The following CYP39A1 variants were observed in gnomAD, a reference collection of about 807,000 sequenced individuals.
CYP39A1 encodes cytochrome P450 family 39 subfamily A member 1.
Under a neutral mutation model 58.1 loss-of-function variants are expected in CYP39A1, and 49 were observed. The observed-to-expected ratio is 0.84, with a 90% CI of 0.67 to 1.07. The LOEUF is 1.07. CYP39A1 is among the 50% of genes least tolerant of loss of function. The pLI is 0.00. For synonymous variants in CYP39A1, 209 were observed against 187.6 expected, an observed-to-expected ratio of 1.11 and a Z score of -0.93; for missense variants, 531 against 539.4, an observed-to-expected ratio of 0.98 and a Z score of 0.16.
At chr6:46,559,136 G>A (rs1358479399) in intron 10 of CYP39A1, among the ~76,000 whole-genome samples, 4 of 152,120 alleles carry the variant, frequency 2.6e-5, no homozygotes, top group African/African-American at 9.7e-5. Flanking sequence ...AAGGAACATA[G>A]TGTGCCTGTG....
At chr6:46,638,053 T>C (rs2150591766) in intron 3 of CYP39A1, 75 bp from the exon 4 acceptor site, 1 of 1,439,840 alleles carries the variant, frequency 6.9e-7, no homozygotes, top group South Asian at 1.4e-5. Flanking sequence ...AAGCAAGGCA[T>C]TATTTCATAG....
At position 46,550,113 on chromosome 6, in the gene CYP39A1, G is replaced by A; in HGVS notation, c.*253C>T. On this transcript the variant is annotated 3_prime_UTR_variant, in exon 12 of 12. Transcript: ENST00000275016. ...ATCAAATTCCAACTTCTTAAAAAAT[G>A]TGGAGTTTTTTTGGATCATTTGATC... 3.0e-6 allele frequency: 1 copy of A among 336,574 alleles called. No homozygotes were observed. The allele number at this position is 336,574 out of a possible 1,614,324, so 20.8% of individuals were successfully genotyped here. A position where few individuals can be genotyped will look rare whatever the true frequency, so the allele number is the denominator to read the frequency against.
chr6:46,585,733 G>T (rs536700147), intron 10 of CYP39A1, among the ~76,000 whole-genome samples: 1 of 152,078 alleles, frequency 6.6e-6, no homozygotes, highest in Non-Finnish European at 1.5e-5. Flanking sequence ...AACATAACAG[G>T]AAGTAGACAA....
intron 10 of CYP39A1, among the ~76,000 whole-genome samples, chr6:46,554,141 C>T (rs137954253): frequency 6.6e-6 from 1 of 152,258 alleles, no homozygotes; most frequent in African/African-American, 2.4e-5. Flanking sequence ...ACTGTGCTTT[C>T]CAGTATCATA....
intron 10 of CYP39A1, among the ~76,000 whole-genome samples, chr6:46,558,407 G>T (rs2150480689): frequency 6.6e-6 from 1 of 152,168 alleles, no homozygotes; most frequent in South Asian, 2.1e-4. Flanking sequence ...GCGAGCAAAG[G>T]GGGAAGTGCC....
intron 10 of CYP39A1, among the ~76,000 whole-genome samples, chr6:46,586,044 C>T (rs989215464): frequency 1.3e-5 from 2 of 152,098 alleles, no homozygotes; most frequent in African/African-American, 4.8e-5. Context: ...TTTGCTTAGG[C>T]TTAGATTTCT....
chr6:46,577,538 C>T (rs1412731857), intron 10 of CYP39A1, among the ~76,000 whole-genome samples: 2 of 152,064 alleles, frequency 1.3e-5, no homozygotes, highest in Non-Finnish European at 2.9e-5. Flanking sequence ...AGGCCCATTT[C>T]ACATGCAATG....
intron 6 of CYP39A1, among the ~76,000 whole-genome samples, chr6:46,629,936 GA>G (rs1257747774): frequency 2.0e-5 from 3 of 151,476 alleles, no homozygotes; most frequent in African/African-American, 7.3e-5. Context: ...GATTTTAAAA[GA>G]AACAGTTTTT....
At chr6:46,587,998 A>G (rs997078162) in intron 9 of CYP39A1, 36 bp downstream of exon 9, 3 of 1,228,602 alleles carry the variant, frequency 2.4e-6, no homozygotes, top group African/African-American at 3.1e-5. Flanking sequence ...AGAAATTAAA[A>G]TGAAAGAATA....
chr6:46,553,193 A>G (rs1391598237), intron 11 of CYP39A1, among the ~76,000 whole-genome samples: 1 of 152,052 alleles, frequency 6.6e-6, no homozygotes, highest in African/African-American at 2.4e-5. Context: ...AACAAGCCCT[A>G]CTAGTGATGC....
chr6:46,581,063 T>C (rs1772104377), intron 10 of CYP39A1, among the ~76,000 whole-genome samples: 1 of 152,156 alleles, frequency 6.6e-6, no homozygotes, highest in Non-Finnish European at 1.5e-5. Context: ...CTATTCACAA[T>C]AGCAAAGACA....
In CYP39A1 at chr6:46,625,399, A is replaced by G. The variant is rs767291345; in HGVS notation, c.931+19T>C. The G allele has an allele frequency of 4.5e-6, 7 of 1,550,860 alleles. No homozygotes were observed. Among genetic ancestry groups the G allele is most frequent in the Admixed American group, 3.5e-5 (2 of 57,526 alleles). ...CATGCATTATTAGCTGTGTCTTCCT[A>G]TATAATAAGGTTTAGTACCTGCTTT... On this transcript the variant is annotated intron_variant, in intron 7 of 11. Transcript: ENST00000275016.
In CYP39A1 at chr6:46,553,820, T is replaced by A; in HGVS notation, c.1285A>T (p.Ile429Phe). The change falls in exon 11 of 12, where the codon ATT becomes TTT. Residue 429 changes from isoleucine (I) to phenylalanine (F), a missense_variant. Coordinates refer to ENST00000275016, the MANE Select transcript of CYP39A1 (RefSeq NM_016593.5). ...CAGTCATATTTATAAAGTATTAAAA[T>A]AATACACATCTGAACCTCTAACAGA... The part of the protein sequence containing the change: ...FALLEVQMCI[I>F]LILYKYDCSL... 1 of 1,610,774 alleles carries A rather than the reference T, an allele frequency of 6.2e-7. No individual in the cohort carries two copies. Among genetic ancestry groups the A allele is most frequent in the South Asian group, 1.1e-5 (1 of 90,622 alleles).
chr6:46,652,666 T>G lies in CYP39A1; in HGVS notation c.-84A>C. 7.6e-7 allele frequency: 1 copy of G among 1,322,174 alleles called. No homozygotes were observed. The highest frequency in any genetic ancestry group is 1.0e-6 in the Non-Finnish European group (1 of 981,182). The allele number at this position is 1,322,174 out of a possible 1,614,324, so 81.9% of individuals were successfully genotyped here. A position where few individuals can be genotyped will look rare whatever the true frequency, so the allele number is the denominator to read the frequency against. On this transcript the variant is annotated 5_prime_UTR_variant, in exon 1 of 12. Coordinates refer to ENST00000275016, the MANE Select transcript of CYP39A1 (RefSeq NM_016593.5). Reference sequence around the variant, plus strand: ...CTTCTTTTCTGTGGGCTACGGAACCTGTCGGGACTCCCAACCTTTCTGCTG... The same window carrying G: ...CTTCTTTTCTGTGGGCTACGGAACCGGTCGGGACTCCCAACCTTTCTGCTG...
chr6:46,642,338 C>A (rs1360729038), intron 1 of CYP39A1, 40 bp from the exon 2 acceptor site: 1 of 1,580,782 alleles, frequency 6.3e-7, no homozygotes, highest in African/African-American at 1.4e-5. Context: ...GTAAGCATTC[C>A]TAAGCCATGT....
At chr6:46,641,470 C>G (rs1300351897) in intron 2 of CYP39A1, among the ~76,000 whole-genome samples, 1 of 151,986 alleles carries the variant, frequency 6.6e-6, no homozygotes, top group African/African-American at 2.4e-5. Flanking sequence ...AAAAGGGAAA[C>G]AGAGAGAAAG....
At chr6:46,555,750 T>G (rs1770639022) in intron 10 of CYP39A1, among the ~76,000 whole-genome samples, 1 of 152,254 alleles carries the variant, frequency 6.6e-6, no homozygotes, top group South Asian at 2.1e-4. Context: ...TGATCTCATA[T>G]TCATATCAAA....
intron 10 of CYP39A1, among the ~76,000 whole-genome samples, chr6:46,556,029 T>G (rs566755838): frequency 2.6e-5 from 4 of 152,354 alleles, no homozygotes; most frequent in Admixed American, 1.3e-4. Context: ...AAAACAACTT[T>G]GCTAACTCAC....
rs144987250 is a variant in CYP39A1 at position 46,559,604 on chromosome 6, C to T, written c.1251-5750G>A. 3.4e-3 allele frequency among the ~76,000 whole-genome samples: 522 copies of T among 152,318 alleles called. 10 individuals carry two copies. The highest frequency in any genetic ancestry group is 0.032 in the Admixed American group (495 of 15,308). On this transcript the variant is annotated intron_variant, in intron 10 of 11. Coordinates refer to ENST00000275016, the MANE Select transcript of CYP39A1 (RefSeq NM_016593.5). ...ATGGCAGGAAGCATGAGTAGCCTCA[C>T]TTTCATCCCTCTGCTGGAGATGATC...
Sources: gnomAD v4.1 joint callset for allele counts (sites outside exome capture counted in the v4.1 genomes callset) on GRCh38, gnomAD v4.1.1 for gene constraint, MANE v1.5 for transcripts, NCBI Gene and HGNC (gene_info 2026-07-23, HGNC 2026-07-21) for gene names.